Variants in SAP130 observed in about 807,000 individuals in gnomAD.
The protein encoded by SAP130 is histone deacetylase complex subunit SAP130.
A neutral mutation model predicts 103.2 loss-of-function variants in SAP130; 16 were observed. The observed-to-expected ratio is 0.16, with a 90% CI of 0.10 to 0.24. The LOEUF is 0.24. SAP130 is among the 10% of genes least tolerant of loss of function. The probability of loss-of-function intolerance (pLI) is 1.00; values close to 1 mark genes in which losing one functional copy is unlikely to be tolerated. For synonymous variants in SAP130, 477 were observed against 497.0 expected, an observed-to-expected ratio of 0.96 and a Z score of 0.53; for missense variants, 990 against 1,359.7, an observed-to-expected ratio of 0.73 and a Z score of 4.28.
At chr2:127,963,125 G>C (rs889878491) in intron 15 of SAP130, among the ~76,000 whole-genome samples, 1 of 152,100 alleles carries the variant, frequency 6.6e-6, no homozygotes, top group Non-Finnish European at 1.5e-5. Flanking sequence ...TGTGATATGA[G>C]TTGGAAATAT....
chr2:128,000,794 G>T (rs1047391129), intron 7 of SAP130, among the ~76,000 whole-genome samples: 24 of 152,098 alleles, frequency 1.6e-4, no homozygotes, highest in Non-Finnish European at 3.2e-4. Flanking sequence ...AGTGCTTTTG[G>T]GGGGCGCAAA....
At chr2:128,001,813 T>C (rs1321870929) in intron 7 of SAP130, among the ~76,000 whole-genome samples, 3 of 151,912 alleles carry the variant, frequency 2.0e-5, no homozygotes, top group Non-Finnish European at 4.4e-5. Flanking sequence ...TCCCCATCAT[T>C]AAGTAATGAA....
At chr2:127,945,315 T>C (rs1473488133) in intron 19 of SAP130, 141 bp downstream of exon 19, 3 of 612,776 alleles carry the variant, frequency 4.9e-6, no homozygotes, top group Non-Finnish European at 8.8e-6. Flanking sequence ...TGATATTACA[T>C]AGCACACATA....
chr2:128,011,301 C>T (rs1292974028), intron 6 of SAP130, among the ~76,000 whole-genome samples: 1 of 152,240 alleles, frequency 6.6e-6, no homozygotes, highest in Non-Finnish European at 1.5e-5. Flanking sequence ...GCCCTTATCA[C>T]ACTTACGTGT....
At chr2:127,956,167 G>A (rs1679826326) in intron 15 of SAP130, among the ~76,000 whole-genome samples, 1 of 152,140 alleles carries the variant, frequency 6.6e-6, no homozygotes, top group Non-Finnish European at 1.5e-5. Flanking sequence ...TAAAAGACTG[G>A]GTTCAGGAGC....
At chr2:128,011,588 T>G (rs1483974907) in intron 6 of SAP130, among the ~76,000 whole-genome samples, 1 of 152,186 alleles carries the variant, frequency 6.6e-6, no homozygotes, top group African/African-American at 2.4e-5. Flanking sequence ...CCTCCAACCC[T>G]TCATATGTAT....
chr2:127,961,334 G>C (rs931525023), intron 15 of SAP130, among the ~76,000 whole-genome samples: 4 of 147,248 alleles, frequency 2.7e-5, no homozygotes, highest in African/African-American at 1.0e-4. Context: ...TTTTAGTAGA[G>C]ACAAGGTCTT....
At chr2:127,969,821 A>G (rs528030587) in intron 15 of SAP130, among the ~76,000 whole-genome samples, 1 of 152,288 alleles carries the variant, frequency 6.6e-6, no homozygotes, top group South Asian at 2.1e-4. Flanking sequence ...TGGGTCAGGT[A>G]TGGTGGCTCA....
intron 15 of SAP130, among the ~76,000 whole-genome samples, chr2:127,969,661 G>C (rs1199482776): frequency 6.6e-6 from 1 of 152,224 alleles, no homozygotes; most frequent in Non-Finnish European, 1.5e-5. Context: ...GGGCTTGAAG[G>C]ACAGACTATT....
At chr2:127,982,311 G>C (rs987305901) in intron 14 of SAP130, among the ~76,000 whole-genome samples, 4 of 152,166 alleles carry the variant, frequency 2.6e-5, no homozygotes, top group East Asian at 3.9e-4. Context: ...CCGTAGGAGA[G>C]AGGGGGAGAA....
intron 15 of SAP130, among the ~76,000 whole-genome samples, chr2:127,968,347 G>A (rs1024524687): frequency 2.0e-5 from 3 of 151,348 alleles, no homozygotes; most frequent in Non-Finnish European, 4.4e-5. Flanking sequence ...CTGGCCTTAG[G>A]TGATCTGTCC....
At position 127,996,711 on chromosome 2, in the gene SAP130, T is replaced by C. The variant is rs1027677467; in HGVS notation, c.1214-220A>G. Among the ~76,000 whole-genome samples, 2 of 152,196 alleles carry C rather than the reference T, an allele frequency of 1.3e-5. No individual in the cohort carries two copies. The highest frequency in any genetic ancestry group is 4.8e-5 in the African/African-American group (2 of 41,448). Reference sequence around the variant, plus strand: ...ACTGTTATTAAAGCAGGGTTCAACATTAATACTGAAACAAAGATAGAAGTG... The same window carrying C: ...ACTGTTATTAAAGCAGGGTTCAACACTAATACTGAAACAAAGATAGAAGTG... On this transcript the variant is annotated intron_variant, in intron 10 of 20. Coordinates refer to ENST00000643581, the MANE Select transcript of SAP130 (RefSeq NM_001330301.2). This position sits in a 1 kb window ranked among gnomAD's most constrained non-coding sequence, Gnocchi z 4.3.
At chr2:127,950,529 T>C in intron 16 of SAP130, 121 bp from the exon 17 acceptor site, 1 of 1,155,698 alleles carries the variant, frequency 8.7e-7, no homozygotes, top group Non-Finnish European at 1.2e-6. Context: ...TTTATTGTCT[T>C]CCTATGTGTC....
chr2:128,012,619 C>G (rs1475928626), intron 6 of SAP130, among the ~76,000 whole-genome samples: 2 of 151,998 alleles, frequency 1.3e-5, no homozygotes, highest in East Asian at 1.9e-4. Context: ...CATAGATTTC[C>G]TTAAGAAAAA....
At chr2:127,985,021 A>G (rs965289197) in intron 14 of SAP130, among the ~76,000 whole-genome samples, 2 of 152,202 alleles carry the variant, frequency 1.3e-5, no homozygotes, top group African/African-American at 4.8e-5. Flanking sequence ...ATGGTTCTCA[A>G]CTTTCCCCTA....
At chr2:127,948,577 A>G (rs1431116413) in intron 18 of SAP130, among the ~76,000 whole-genome samples, 2 of 150,582 alleles carry the variant, frequency 1.3e-5, no homozygotes, top group African/African-American at 4.9e-5. Flanking sequence ...CCTGACCTCC[A>G]GTGATCCGCC....
At chr2:128,018,049 A>G (rs1335085333) in intron 2 of SAP130, 134 bp from the exon 3 acceptor site, 1 of 683,048 alleles carries the variant, frequency 1.5e-6, no homozygotes, top group Non-Finnish European at 2.4e-6. Flanking sequence ...TTTTCTTAAC[A>G]AGGTCAATAT....
intron 7 of SAP130, among the ~76,000 whole-genome samples, chr2:128,005,879 C>A (rs1262413513): frequency 2.0e-5 from 3 of 152,192 alleles, no homozygotes; most frequent in African/African-American, 7.2e-5. Flanking sequence ...ATCTGCCTGC[C>A]TCAGCCTCCC....
rs544096382 is a variant in SAP130, at chr2:128,008,984, C to A, written c.869+1285G>T. Among the ~76,000 whole-genome samples, 26 of 152,200 alleles carry A rather than the reference C, an allele frequency of 1.7e-4. No homozygotes were observed. The South Asian group carries it at 5.0e-3, about 29-fold the overall frequency. On this transcript the variant is annotated intron_variant, in intron 7 of 20. Coordinates refer to ENST00000643581, the MANE Select transcript of SAP130 (RefSeq NM_001330301.2). ...ACATGCATGAGCCATTATATCTTGC[C>A]ATCACAATCTTAAAATGCCTAAAAT...
Sources: allele counts gnomAD v4.1 joint callset (sites outside exome capture counted in the v4.1 genomes callset), GRCh38; gene constraint gnomAD v4.1.1; non-coding constraint Gnocchi (gnomAD v3.1); transcripts MANE v1.5; gene names NCBI Gene and HGNC (gene_info 2026-07-23, HGNC 2026-07-21).